The following POU5F1 variants were observed in gnomAD, a reference collection of about 807,000 sequenced individuals.
POU5F1 encodes POU class 5 homeobox 1, also known as POU domain, class 5, transcription factor 1.
POU5F1 carries 6 observed loss-of-function variants against 38.3 expected under a neutral mutation model. That is an observed-to-expected ratio of 0.16 (90% CI 0.09 to 0.31). The LOEUF is 0.31. Among genes scored for constraint, POU5F1 ranks in the 10% least tolerant of loss-of-function variants. The pLI is 1.00. For synonymous variants in POU5F1, 147 were observed against 194.9 expected (o/e 0.75, Z 2.05); for missense variants, 286 against 462.6 (o/e 0.62, Z 3.50).
chr6:31,167,434 C>T (rs531699559), intron 1 of POU5F1, among the ~76,000 whole-genome samples: 24 of 151,812 alleles, frequency 1.6e-4, no homozygotes, highest in Admixed American at 5.3e-4. Flanking sequence ...GCAGTCTGGG[C>T]GCAGTGGTCA....
intron 1 of POU5F1, among the ~76,000 whole-genome samples, chr6:31,168,889 A>G (rs3130502): frequency 0.78 from 118,284 of 152,206 alleles, 46,203 homozygotes; most frequent in Middle Eastern, 0.86. Context: ...GGCTGCCGGC[A>G]GACAGAGGTG....
At position 31,170,289 on chromosome 6, in the gene POU5F1, G is replaced by A; in HGVS notation, c.332C>T (p.Ser111Phe). ...VGVESNSDGA[S>F]PEPCTVTPGA... ...AGGGGTGACGGTGCAGGGCTCCGGG[G>A]AGGCCCCATCGGAGTTGCTCTCCAC... is the stretch of plus-strand genomic sequence containing the variant. Residue 111 changes from serine to phenylalanine, a missense_variant, in exon 1 of 5, where the codon TCC becomes TTC. Transcript: ENST00000259915. 6.2e-7 allele frequency: 1 copy of A among 1,612,868 alleles called. No individual in the cohort carries two copies. The highest frequency in any genetic ancestry group is 1.1e-5 in the South Asian group (1 of 91,070).
rs1777597181 is a variant in POU5F1 at position 31,170,602 on chromosome 6, A to G, written c.19T>C (p.Ser7Pro). Residue 7 changes from serine (S) to proline (P), a missense_variant, in exon 1 of 5, where the codon TCG becomes CCG. By Grantham distance (74) the Ser-to-Pro change is moderately conservative. Around this residue, in one of 2 missense-constraint regions of POU5F1, gnomAD observed 176 missense variants for 184.8 expected, o/e 0.95. Coordinates refer to ENST00000259915, the MANE Select transcript of POU5F1 (RefSeq NM_002701.6). ...GGAGGGGGCGAGAAGGCGAAATCCG[A>G]AGCCAGGTGTCCCGCCATGGGGAAG... MAGHLA[S>P]DFAFSPPPGG... 2 of 1,556,860 alleles carry G rather than the reference A, an allele frequency of 1.3e-6. No homozygotes were observed. Among genetic ancestry groups the G allele is most frequent in the African/African-American group, 2.7e-5 (2 of 73,706 alleles).
chr6:31,165,488 G>T lies in POU5F1; in HGVS notation c.657+83C>A. On this transcript the variant is annotated intron_variant, in intron 3 of 4. Transcript: ENST00000259915. This position sits in a 1 kb window ranked among gnomAD's most constrained non-coding sequence, Gnocchi z 6.5. ...CACTGAGAACCACTGCACCAAAGAC[G>T]GAGAGCTACGAGCCAGTGATGGAAG... 1 of 1,605,510 alleles carries T rather than the reference G, an allele frequency of 6.2e-7. No individual in the cohort carries two copies. The highest frequency in any genetic ancestry group is 8.5e-7 in the Non-Finnish European group (1 of 1,176,202).
At chr6:31,169,980 G>A (rs1777540755) in intron 1 of POU5F1, 1 of 646,382 alleles carries the variant, frequency 1.5e-6, no homozygotes, top group Non-Finnish European at 2.6e-6. Context: ...ACTCTCCCAG[G>A]CTGCTCTGCC....
At chr6:31,169,849 C>T in intron 1 of POU5F1, 1 of 376,168 alleles carries the variant, frequency 2.7e-6, no homozygotes. Flanking sequence ...CTCAAACCAA[C>T]CCCAAGCTGG....
In POU5F1 at chr6:31,170,265, G is replaced by C. The variant is rs909633823; in HGVS notation, c.356C>G (p.Pro119Arg). 6.2e-7 allele frequency: 1 copy of C among 1,612,920 alleles called. No individual in the cohort carries two copies. The highest frequency in any genetic ancestry group is 8.5e-7 in the Non-Finnish European group (1 of 1,179,832). ...GASPEPCTVT[P>R]GAVKLEKEKL... ...CTCCTTCTCCAGCTTCACGGCACCA[G>C]GGGTGACGGTGCAGGGCTCCGGGGA... is the stretch of plus-strand genomic sequence containing the variant. The change falls in exon 1 of 5, where the codon CCT (proline) becomes CGT (arginine). Residue 119 changes from proline (P) to arginine (R), a missense_variant. By Grantham distance (103) the Pro-to-Arg change is moderately radical. Around this residue, in one of 2 missense-constraint regions of POU5F1, gnomAD observed 176 missense variants for 184.8 expected, o/e 0.95. Coordinates refer to ENST00000259915, the MANE Select transcript of POU5F1 (RefSeq NM_002701.6).
In POU5F1 at chr6:31,164,453, CA is replaced by C. The variant is rs746543478; in HGVS notation, c.*147del. 4 of 1,091,096 alleles carry C rather than the reference CA, an allele frequency of 3.7e-6. No homozygotes were observed. The highest frequency in any genetic ancestry group is 5.2e-6 in the Non-Finnish European group (4 of 770,988). The allele number at this position is 1,091,096 out of a possible 1,614,324, so 67.6% of individuals were successfully genotyped here. On this transcript the variant is annotated 3_prime_UTR_variant, in exon 5 of 5. Transcript: ENST00000259915. ...TCACCTTCCCTCCAACCAGTTGCCC[CA>C]AACTCCCCTGCCCCCACCCTTTGTG...
intron 1 of POU5F1, among the ~76,000 whole-genome samples, chr6:31,168,140 A>T (rs1777413923): frequency 6.6e-6 from 1 of 151,624 alleles, no homozygotes; most frequent in Admixed American, 6.6e-5. Flanking sequence ...GGGTTTCACC[A>T]TGTTGGCCAG....
chr6:31,169,832 A>C, intron 1 of POU5F1: 1 of 329,650 alleles, frequency 3.0e-6, no homozygotes, highest in Non-Finnish European at 5.6e-6. Flanking sequence ...AAGGGTGGGA[A>C]AAGGGGCTCA....
chr6:31,169,740 G>A (rs1446022231), intron 1 of POU5F1, among the ~76,000 whole-genome samples: 1 of 152,168 alleles, frequency 6.6e-6, no homozygotes, highest in Non-Finnish European at 1.5e-5. Context: ...CCTGGAATGA[G>A]CACTGTTTTT....
At position 31,170,674 on chromosome 6, in the gene POU5F1, G is replaced by A; in HGVS notation, c.-54C>T. 6.7e-7 allele frequency: 1 copy of A among 1,501,570 alleles called. No individual in the cohort carries two copies. The allele number at this position is 1,501,570 out of a possible 1,614,324, so 93.0% of individuals were successfully genotyped here. ...CCTGGTGAAATGAGGGCTTGCGAAG[G>A]GACTACTCAACCCCTCTCTCCCTCC... is the stretch of plus-strand genomic sequence containing the variant. On this transcript the variant is annotated 5_prime_UTR_variant, in exon 1 of 5. Transcript: ENST00000259915.
intron 1 of POU5F1, chr6:31,167,178 A>G (rs1777334667): frequency 8.9e-6 from 3 of 337,344 alleles, no homozygotes; most frequent in Non-Finnish European, 5.6e-6. Flanking sequence ...TCCCTGCCCT[A>G]TAACTTTTTA....
intron 1 of POU5F1, 80 bp downstream of exon 1, chr6:31,170,136 G>A: frequency 1.2e-6 from 2 of 1,607,910 alleles, no homozygotes; most frequent in Non-Finnish European, 1.7e-6. Context: ...GGTCTGGGCA[G>A]CTGCAGGTGA....
chr6:31,166,823 T>A (rs545437201), intron 1 of POU5F1: 38 of 1,229,076 alleles, frequency 3.1e-5, no homozygotes, highest in Non-Finnish European at 3.6e-5. Context: ...CTAAATTCAG[T>A]ATATACTCTC....
Position 31,165,899 on chromosome 6 carries a change from C to A in POU5F1, c.526+28G>T, listed in dbSNP as rs773644692. On this transcript the variant is annotated intron_variant, in intron 2 of 4. Coordinates refer to ENST00000259915, the MANE Select transcript of POU5F1 (RefSeq NM_002701.6). The surrounding 1 kb of genome is among the most constrained non-coding windows in gnomAD (Gnocchi z 6.5). ...AGGGATACTCCTTAGAGGGGAGATG[C>A]GGTCAGAATCTGCAGAGGGGAACCC... 11 of 1,613,224 alleles carry A rather than the reference C, an allele frequency of 6.8e-6. No individual in the cohort carries two copies. In the African/African-American group the frequency reaches 8.0e-5, roughly 12 times the overall value.
Position 31,170,643 on chromosome 6 carries a change from C to T in POU5F1, c.-23G>A, listed in dbSNP as rs545405466. ...CATGGGGAAGGAAGGCGCCCCAAGCCGGGGGCCTGGTGAAATGAGGGCTTG... is the reference window on the plus strand; with the variant it reads ...CATGGGGAAGGAAGGCGCCCCAAGCTGGGGGCCTGGTGAAATGAGGGCTTG... On this transcript the variant is annotated 5_prime_UTR_variant, in exon 1 of 5. Transcript: ENST00000259915. 32 of 1,536,386 alleles carry T rather than the reference C, an allele frequency of 2.1e-5. No homozygotes were observed. The East Asian group carries it at 3.1e-4, about 15-fold the overall frequency.
Position 31,165,852 on chromosome 6 carries a change from C to A in POU5F1, c.526+75G>T. ...TCTTCATGGGTGAGGGTAGTCTGCC[C>A]CTGCCCCTCCCCACTAGGTTCAGGG... On this transcript the variant is annotated intron_variant, in intron 2 of 4. Coordinates refer to ENST00000259915, the MANE Select transcript of POU5F1 (RefSeq NM_002701.6). The surrounding 1 kb of genome is among the most constrained non-coding windows in gnomAD (Gnocchi z 6.5). The A allele has an allele frequency of 6.3e-7, 1 of 1,595,582 alleles. No homozygotes were observed. The highest frequency in any genetic ancestry group is 8.6e-7 in the Non-Finnish European group (1 of 1,168,862).
chr6:31,170,428 G>A lies in POU5F1; in HGVS notation c.193C>T (p.Pro65Ser). ...SEVWGIPPCP[P>S]PYEFCGGMAY... ...ATCCCCCCACAGAACTCATACGGCG[G>A]GGGGCATGGGGGAATCCCCCACACC... The change falls in exon 1 of 5, where the codon CCG becomes TCG. Residue 65 changes from proline to serine, a missense_variant. Physicochemically the swap from Pro to Ser is moderately conservative, Grantham distance 74. Coordinates refer to ENST00000259915, the MANE Select transcript of POU5F1 (RefSeq NM_002701.6). 6.2e-7 allele frequency: 1 copy of A among 1,611,588 alleles called. No individual in the cohort carries two copies. Among genetic ancestry groups the A allele is most frequent in the South Asian group, 1.1e-5 (1 of 90,910 alleles).
Sources: gnomAD v4.1 joint callset for allele counts (sites outside exome capture counted in the v4.1 genomes callset) on GRCh38, gnomAD v4.1.1 for gene constraint, gnomAD v4.1.1 regional missense constraint, Gnocchi (gnomAD v3.1) non-coding constraint, MANE v1.5 for transcripts, NCBI Gene and HGNC (gene_info 2026-07-23, HGNC 2026-07-21) for gene names.